Variants in NANP observed in about 807,000 individuals in gnomAD.
NANP encodes the protein N-acetylneuraminic acid phosphatase.
Under a neutral mutation model 16.9 loss-of-function variants are expected in NANP, and 15 were observed. That is an observed-to-expected ratio of 0.89 (90% confidence interval 0.59 to 1.37). NANP has a LOEUF of 1.37. Among genes scored for constraint, NANP ranks in the 40% most tolerant of loss-of-function variants. The pLI is 0.00. For synonymous variants in NANP, 135 were observed against 112.6 expected, an observed-to-expected ratio of 1.20 and a Z score of -1.26; for missense variants, 290 against 303.5, an observed-to-expected ratio of 0.96 and a Z score of 0.33.
rs1477970912 is a variant in NANP at position 25,615,964 on chromosome 20, G to A, written c.708C>T (p.Leu236=). The A allele has an allele frequency of 1.2e-6, 2 of 1,614,016 alleles. No individual in the cohort carries two copies. The highest frequency in any genetic ancestry group is 2.2e-5 in the South Asian group (2 of 91,048). The change falls in exon 2 of 2, where the codon CTC becomes CTT. Residue 236 remains leucine (L), a synonymous_variant. Transcript: ENST00000304788. ...MVSSVLELPA[L]LQSIDCKVSM... ...TGACTTTGCAGTCTATACTTTGTAA[G>A]AGAGCAGGTAACTCTAGCACAGAAG...
Position 25,615,983 on chromosome 20 carries a change from A to G in NANP, c.689T>C (p.Val230Ala), listed in dbSNP as rs753154973. ...SPVPHYMVSS[V>A]LELPALLQSI... is the part of the protein sequence containing the mutation. ...TTGTAAGAGAGCAGGTAACTCTAGC[A>G]CAGAAGAAACCATGTAATGCGGAAC... Residue 230 changes from valine to alanine, a missense_variant, in exon 2 of 2, where the codon GTG becomes GCG. By Grantham distance (64) the Val-to-Ala change is moderately conservative. Transcript: ENST00000304788. The G allele has an allele frequency of 6.2e-7, 1 of 1,614,218 alleles. No individual in the cohort carries two copies. The highest frequency in any genetic ancestry group is 8.5e-7 in the Non-Finnish European group (1 of 1,180,030).
rs1353418022 is a variant in NANP, at chr20:25,616,487, T to C, written c.185A>G (p.His62Arg). 3 of 1,613,746 alleles carry C rather than the reference T, an allele frequency of 1.9e-6. No individual in the cohort carries two copies. The highest frequency in any genetic ancestry group is 2.5e-6 in the Non-Finnish European group (3 of 1,179,832). The change falls in exon 2 of 2, where the codon CAT becomes CGT. Residue 62 changes from histidine (H) to arginine (R), a missense_variant. By Grantham distance (29) the His-to-Arg change is conservative (BLOSUM62 0). Transcript: ENST00000304788. ...VQVKLSKECF[H>R]PYNTCITDLR... The stretch of plus-strand genomic sequence containing the variant: ...ATCAGTAATGCATGTATTGTAAGGA[T>C]GAAAACATTCCTTGCTGAGTTTAAC...
chr20:25,619,613 A>C (rs1171123351), intron 1 of NANP, among the ~76,000 whole-genome samples: 3 of 152,240 alleles, frequency 2.0e-5, no homozygotes, highest in Admixed American at 6.5e-5. Context: ...TTTTTGCTTT[A>C]TACATCTCTA....
intron 1 of NANP, 21 bp downstream of exon 1, chr20:25,623,838 C>G (rs1328721808): frequency 3.7e-6 from 6 of 1,606,706 alleles, no homozygotes; most frequent in Non-Finnish European, 5.1e-6. Flanking sequence ...CCCAGAGGAG[C>G]GCCATGGGTG....
In NANP at chr20:25,614,212, T is replaced by C. The variant is rs6050706; in HGVS notation, c.*1713A>G. On this transcript the variant is annotated 3_prime_UTR_variant, in exon 2 of 2. Transcript: ENST00000304788. ...GTAGACAGAAAACTGGCTAAAGAAA[T>C]AGGCTCACAGATAGGTACAATCTAC... is the stretch of plus-strand genomic sequence containing the variant. The C allele has an allele frequency of 3.5e-3, 641 of 181,588 alleles. 6 individuals are homozygous for C. Among genetic ancestry groups the C allele is most frequent in the African/African-American group, 0.014 (611 of 42,788 alleles). The allele number at this position is 181,588 out of a possible 1,614,324, so 11.2% of individuals were successfully genotyped here.
At chr20:25,620,306 C>T (rs2065359376) in intron 1 of NANP, among the ~76,000 whole-genome samples, 1 of 152,130 alleles carries the variant, frequency 6.6e-6, no homozygotes, top group Admixed American at 6.5e-5. Flanking sequence ...GTATAAAGAG[C>T]CCACAAGGTG....
At chr20:25,616,645 C>T in intron 1 of NANP, 64 bp from the exon 2 acceptor site, 1 of 1,316,510 alleles carries the variant, frequency 7.6e-7, no homozygotes, top group Non-Finnish European at 1.0e-6. Flanking sequence ...CCCTAGGAAG[C>T]TGTGATCCTA....
At chr20:25,621,234 T>C (rs2065363176) in intron 1 of NANP, among the ~76,000 whole-genome samples, 1 of 152,238 alleles carries the variant, frequency 6.6e-6, no homozygotes, top group Admixed American at 6.5e-5. Context: ...GACCAGTCTA[T>C]TTAAAATGTT....
chr20:25,621,548 C>T (rs1423095452), intron 1 of NANP, among the ~76,000 whole-genome samples: 2 of 152,244 alleles, frequency 1.3e-5, no homozygotes, highest in African/African-American at 4.8e-5. Context: ...CCTCTTCCTC[C>T]ATTCATAAAT....
rs1399004951 is a variant in NANP, at chr20:25,613,894, A to G, written c.*2031T>C. 2.0e-5 allele frequency: 8 copies of G among 398,530 alleles called. No individual in the cohort carries two copies. Among genetic ancestry groups the G allele is most frequent in the Non-Finnish European group, 3.1e-5 (7 of 226,030 alleles). The allele number at this position is 398,530 out of a possible 1,614,324, so 24.7% of individuals were successfully genotyped here. Reference sequence around the variant, plus strand: ...ACACTGCCTACATCCATCCTGTGGGAGAGTTAAAAGGACAAGCCCCCTGCA... The same window carrying G: ...ACACTGCCTACATCCATCCTGTGGGGGAGTTAAAAGGACAAGCCCCCTGCA... On this transcript the variant is annotated 3_prime_UTR_variant, in exon 2 of 2. Transcript: ENST00000304788.
intron 1 of NANP, among the ~76,000 whole-genome samples, chr20:25,621,628 C>A (rs2065364599): frequency 6.6e-6 from 1 of 152,212 alleles, no homozygotes; most frequent in African/African-American, 2.4e-5. Flanking sequence ...GATCTCGGCT[C>A]ACTGCAAGCT....
intron 1 of NANP, 45 bp from the exon 2 acceptor site, chr20:25,616,626 G>A: frequency 7.0e-7 from 1 of 1,421,296 alleles, no homozygotes; most frequent in Non-Finnish European, 9.5e-7. Context: ...CATGTCTTTA[G>A]TAGTCATGCC....
intron 1 of NANP, among the ~76,000 whole-genome samples, chr20:25,618,322 G>A (rs553154652): frequency 1.8e-4 from 28 of 152,182 alleles, no homozygotes; most frequent in Admixed American, 5.2e-4. Flanking sequence ...CAGAAAAAGC[G>A]GGTTTGGGAA....
At chr20:25,620,956 C>T (rs865868776) in intron 1 of NANP, among the ~76,000 whole-genome samples, 12 of 152,108 alleles carry the variant, frequency 7.9e-5, no homozygotes, top group Middle Eastern at 3.4e-3. Context: ...GCCAATGGAC[C>T]GTCTTGTATA....
In NANP at chr20:25,615,676, T is replaced by G. The variant is rs6050710; in HGVS notation, c.*249A>C. 5.0e-6 allele frequency: 2 copies of G among 396,764 alleles called. No individual in the cohort carries two copies. Among genetic ancestry groups the G allele is most frequent in the African/African-American group, 4.2e-5 (2 of 48,108 alleles). The allele number at this position is 396,764 out of a possible 1,614,324, so 24.6% of individuals were successfully genotyped here. On this transcript the variant is annotated 3_prime_UTR_variant, in exon 2 of 2. Coordinates refer to ENST00000304788, the MANE Select transcript of NANP (RefSeq NM_152667.3). ...CAGACTAACAAATAATATATTTCCT[T>G]AAATTTTCTGGGCTATACTACTGAC...
rs1001766540 is a variant in NANP at position 25,614,360 on chromosome 20, C to T, written c.*1565G>A. 3 of 152,206 alleles carry T rather than the reference C, an allele frequency of 2.0e-5. No individual in the cohort carries two copies. The highest frequency in any genetic ancestry group is 7.2e-5 in the African/African-American group (3 of 41,416). The allele number at this position is 152,206 out of a possible 1,614,324, so 9.4% of individuals were successfully genotyped here. ...GAAGAAAAACATATCAAAAACCAAC[C>T]TAAATCATATTTATTAACCACTTTA... is the stretch of plus-strand genomic sequence containing the variant. On this transcript the variant is annotated 3_prime_UTR_variant, in exon 2 of 2. Transcript: ENST00000304788.
In NANP at chr20:25,615,920, G is replaced by A. The variant is rs763468479; in HGVS notation, c.*5C>T. The A allele has an allele frequency of 1.8e-5, 29 of 1,595,822 alleles. No homozygotes were observed. The highest frequency in any genetic ancestry group is 2.1e-5 in the Non-Finnish European group (25 of 1,170,606). ...AACATTCATAATCATGCCCTTTTATGTGCTTTAAGTGGACATACTGACTTT... is the reference window on the plus strand; with the variant it reads ...AACATTCATAATCATGCCCTTTTATATGCTTTAAGTGGACATACTGACTTT... On this transcript the variant is annotated 3_prime_UTR_variant, in exon 2 of 2. Coordinates refer to ENST00000304788, the MANE Select transcript of NANP (RefSeq NM_152667.3).
chr20:25,613,415 G>T lies in NANP; in HGVS notation c.*2510C>A, dbSNP rs1356175001. The stretch of plus-strand genomic sequence containing the variant: ...ACCAGGTGCTGGTATTCCAGGTGCA[G>T]TGTCCATTCATGTCTGTTCTAGGCC... On this transcript the variant is annotated 3_prime_UTR_variant, in exon 2 of 2. Coordinates refer to ENST00000304788, the MANE Select transcript of NANP (RefSeq NM_152667.3). The T allele has an allele frequency of 6.4e-6, 1 of 156,328 alleles. No homozygotes were observed. Among genetic ancestry groups the T allele is most frequent in the Non-Finnish European group, 1.4e-5 (1 of 70,950 alleles). The allele number at this position is 156,328 out of a possible 1,614,324, so 9.7% of individuals were successfully genotyped here. A position where few individuals can be genotyped will look rare whatever the true frequency, so the allele number is the denominator to read the frequency against.
At chr20:25,623,683 A>C (rs1175624190) in intron 1 of NANP, among the ~76,000 whole-genome samples, 176 bp downstream of exon 1, 1 of 152,038 alleles carries the variant, frequency 6.6e-6, no homozygotes, top group African/African-American at 2.4e-5. Flanking sequence ...GGGAAAGCAG[A>C]CCCGCAGGGC....
Sources: allele counts gnomAD v4.1 joint callset (sites outside exome capture counted in the v4.1 genomes callset), GRCh38; gene constraint gnomAD v4.1.1; transcripts MANE v1.5; gene names NCBI Gene and HGNC (gene_info 2026-07-23, HGNC 2026-07-21).